Variants in RBFOX3 observed in about 807,000 individuals in gnomAD.
The protein encoded by RBFOX3 is RNA binding fox-1 homolog 3.
In RBFOX3, 17 loss-of-function variants were observed where a neutral mutation model predicts 48.7. The observed-to-expected ratio is 0.35, with a 90% CI of 0.24 to 0.52. The LOEUF is 0.52. Ranked by LOEUF, RBFOX3 falls within the 20% of genes least tolerant of loss-of-function variation. RBFOX3 has a pLI of 0.94. For missense variants in RBFOX3, 382 were observed against 497.5 expected (o/e 0.77, Z 2.21); for synonymous variants, 212 against 209.5 (o/e 1.01, Z -0.10).
At chr17:79,377,829 T>C (rs1036457154) in intron 2 of RBFOX3, among the ~76,000 whole-genome samples, 13 of 152,104 alleles carry the variant, frequency 8.5e-5, no homozygotes, top group African/African-American at 3.1e-4. Flanking sequence ...AGCCTGGAAA[T>C]GTGTGGGCAC....
At position 79,220,589 on chromosome 17, in the gene RBFOX3, C is replaced by T. The variant is rs1567865025; in HGVS notation, c.-34+15177G>A. Among the ~76,000 whole-genome samples, 1 of 147,252 alleles carries T rather than the reference C, an allele frequency of 6.8e-6. No homozygotes were observed. Among genetic ancestry groups the T allele is most frequent in the Non-Finnish European group, 1.5e-5 (1 of 67,564 alleles). On this transcript the variant is annotated intron_variant, in intron 4 of 14. Transcript: ENST00000693108. The surrounding 1 kb of genome is among the most constrained non-coding windows in gnomAD (Gnocchi z 5.9). ...TTCCAGCGCTCATCAAGCAGGGGAC[C>T]CAGGGGAGGGTGTGTGTGTGTGTGT...
At chr17:79,570,797 CT>C (rs1438333737) in intron 1 of RBFOX3, among the ~76,000 whole-genome samples, 12 of 152,214 alleles carry the variant, frequency 7.9e-5, no homozygotes, top group African/African-American at 1.4e-4. Context: ...CTGGGAACCC[CT>C]GATGCAGGGC....
chr17:79,422,402 G>T (rs1376342253), intron 2 of RBFOX3, among the ~76,000 whole-genome samples: 3 of 146,762 alleles, frequency 2.0e-5, no homozygotes, highest in African/African-American at 5.1e-5. Context: ...CCCTGTGCCC[G>T]GCCCTCCACT....
chr17:79,278,011 G>A (rs187855252), intron 3 of RBFOX3, among the ~76,000 whole-genome samples: 2 of 152,326 alleles, frequency 1.3e-5, no homozygotes, highest in East Asian at 3.9e-4. Flanking sequence ...ACTTCTGTGT[G>A]ATATGAGGAA....
chr17:79,579,559 G>A (rs962031961), intron 1 of RBFOX3, among the ~76,000 whole-genome samples: 4 of 152,112 alleles, frequency 2.6e-5, no homozygotes, highest in Admixed American at 1.3e-4. Flanking sequence ...TCCAGCACGC[G>A]CGAGTGATGA....
chr17:79,250,738 C>T (rs2148253733), intron 3 of RBFOX3, among the ~76,000 whole-genome samples: 1 of 152,212 alleles, frequency 6.6e-6, no homozygotes, highest in South Asian at 2.1e-4. Context: ...TGGCTGTCCC[C>T]GTTTCTTTCT....
At chr17:79,183,227 C>CGGGCCGG (rs915364839) in intron 4 of RBFOX3, 12 of 150,118 alleles carry the variant, frequency 8.0e-5, no homozygotes, top group Admixed American at 3.3e-4. Flanking sequence ...GCACGTGCGC[C>CGGGCCGG]GGGCCGGGGG....
At chr17:79,426,479 G>C (rs1232795632) in intron 2 of RBFOX3, among the ~76,000 whole-genome samples, 1 of 152,194 alleles carries the variant, frequency 6.6e-6, no homozygotes, top group Non-Finnish European at 1.5e-5. Context: ...GTGTTCTGTG[G>C]TTCCAACAAG....
At chr17:79,552,821 C>T (rs2091282554) in intron 1 of RBFOX3, among the ~76,000 whole-genome samples, 1 of 152,082 alleles carries the variant, frequency 6.6e-6, no homozygotes, top group African/African-American at 2.4e-5. Flanking sequence ...CATTATATTA[C>T]TGTTGTAAGA....
chr17:79,172,282 G>T lies in RBFOX3; in HGVS notation c.-33-56534C>A, dbSNP rs533779879. On this transcript the variant is annotated intron_variant, in intron 4 of 14. Coordinates refer to ENST00000693108, the MANE Select transcript of RBFOX3 (RefSeq NM_001350451.2). ...GCAGATATCACTATCACAAAAATGG[G>T]CATTTCAACACAAAAAGTAAACATC... is the stretch of plus-strand genomic sequence containing the variant. Among the ~76,000 whole-genome samples, 25 of 152,046 alleles carry T rather than the reference G, an allele frequency of 1.6e-4. No individual in the cohort carries two copies. In the South Asian group the frequency reaches 5.0e-3, roughly 30 times the overall value.
Position 79,533,653 on chromosome 17 carries a change from C to T in RBFOX3, c.-319-51055G>A, listed in dbSNP as rs371565344. On this transcript the variant is annotated intron_variant, in intron 1 of 14. Coordinates refer to ENST00000693108, the MANE Select transcript of RBFOX3 (RefSeq NM_001350451.2). ...GGGGAAGCTCTCAGGGTGTGGCCCC[C>T]TTGGGAAGAGCCCAGGGGCTGGTCA... 1.3e-4 allele frequency among the ~76,000 whole-genome samples: 20 copies of T among 152,336 alleles called. 1 individual carries two copies. Among genetic ancestry groups the T allele is most frequent in the South Asian group, 2.1e-4 (1 of 4,828 alleles).
chr17:79,112,225 G>A (rs772926779), intron 5 of RBFOX3, among the ~76,000 whole-genome samples: 2 of 152,222 alleles, frequency 1.3e-5, no homozygotes, highest in Non-Finnish European at 2.9e-5. Context: ...TGCACGCTCC[G>A]CCTTCTGTGG....
chr17:79,612,474 G>GC (rs1188943948), upstream of RBFOX3, among the ~76,000 whole-genome samples: 14 of 152,050 alleles, frequency 9.2e-5, no homozygotes, highest in East Asian at 1.9e-4. Context: ...GCTGCTGGCT[G>GC]CCCCCCCTGC....
chr17:79,329,129 C>T (rs959732988), intron 2 of RBFOX3, among the ~76,000 whole-genome samples: 3 of 152,190 alleles, frequency 2.0e-5, no homozygotes, highest in Middle Eastern at 3.2e-3. Context: ...CCCGCAGGGC[C>T]AGGCCTCTCC....
intron 1 of RBFOX3, among the ~76,000 whole-genome samples, chr17:79,525,401 C>T (rs964022784): frequency 6.6e-5 from 10 of 152,204 alleles, no homozygotes; most frequent in Non-Finnish European, 1.5e-4. Flanking sequence ...ACCAGGGCCT[C>T]TTGTACTCAT....
intron 2 of RBFOX3, chr17:79,424,071 C>A (rs1168722949): frequency 6.6e-6 from 1 of 152,376 alleles, no homozygotes; most frequent in Non-Finnish European, 1.5e-5. Flanking sequence ...CCTCACTCAC[C>A]CCATACCAGG....
intron 2 of RBFOX3, among the ~76,000 whole-genome samples, chr17:79,399,814 C>T (rs1020352875): frequency 3.3e-5 from 5 of 152,274 alleles, no homozygotes; most frequent in Non-Finnish European, 7.3e-5. Context: ...CCGTCTTCAG[C>T]AAGCGTGAAC....
intron 2 of RBFOX3, among the ~76,000 whole-genome samples, chr17:79,349,867 C>T (rs1044427927): frequency 1.3e-5 from 2 of 151,554 alleles, no homozygotes; most frequent in African/African-American, 4.9e-5. Flanking sequence ...CCTGAGCCCC[C>T]CGGGGCAGGC....
chr17:79,186,982 C>T (rs868467295), intron 4 of RBFOX3, among the ~76,000 whole-genome samples: 2 of 152,250 alleles, frequency 1.3e-5, no homozygotes, highest in Non-Finnish European at 2.9e-5. Flanking sequence ...CTGGGAAATT[C>T]TGGCCCACGT....
Sources: gnomAD v4.1 joint callset for allele counts (sites outside exome capture counted in the v4.1 genomes callset) on GRCh38, gnomAD v4.1.1 for gene constraint, Gnocchi (gnomAD v3.1) non-coding constraint, MANE v1.5 for transcripts, NCBI Gene and HGNC (gene_info 2026-07-23, HGNC 2026-07-21) for gene names.